ESR1: variants seen among roughly 807,000 people sequenced by gnomAD.
ESR1 encodes estrogen receptor.
Under a neutral mutation model 52.7 loss-of-function variants are expected in ESR1, and 12 were observed. The ratio of observed to expected loss-of-function variants is 0.23; its 90% CI spans 0.15 to 0.37. The LOEUF (loss-of-function observed/expected upper bound fraction) is 0.37. ESR1 is among the 10% of genes least tolerant of loss of function. The pLI is 1.00. For synonymous variants in ESR1, 305 were observed against 316.8 expected (o/e 0.96, Z 0.39); for missense variants, 584 against 779.7 (o/e 0.75, Z 2.99).
At chr6:151,707,535 A>C (rs1780273053) in intron 2 of ESR1, among the ~76,000 whole-genome samples, 1 of 152,066 alleles carries the variant, frequency 6.6e-6, no homozygotes, top group Non-Finnish European at 1.5e-5. Flanking sequence ...TATATTTTGC[A>C]AATTGAAATG....
At chr6:151,896,078 C>T (rs571984175) in intron 3 of ESR1, among the ~76,000 whole-genome samples, 17 of 152,280 alleles carry the variant, frequency 1.1e-4, no homozygotes, top group South Asian at 8.3e-4. Flanking sequence ...GGATTACAGG[C>T]GTGAGCCACA....
intron 2 of ESR1, 111 bp from the exon 3 acceptor site, chr6:151,880,544 T>C (rs1792728518): frequency 3.8e-6 from 3 of 781,472 alleles, no homozygotes; most frequent in East Asian, 2.4e-5. Flanking sequence ...GGGAGCAACA[T>C]AGTAAGGCTG....
chr6:151,752,692 C>T (rs941490531), intron 2 of ESR1, among the ~76,000 whole-genome samples: 1 of 152,106 alleles, frequency 6.6e-6, no homozygotes, highest in Non-Finnish European at 1.5e-5. Context: ...ACAGATAGTA[C>T]TTATTTTAAC....
intron 5 of ESR1, among the ~76,000 whole-genome samples, chr6:152,027,774 TC>T (rs1466369573): frequency 1.3e-5 from 2 of 152,242 alleles, no homozygotes; most frequent in African/African-American, 2.4e-5. Flanking sequence ...AGGTCCGTTT[TC>T]CTAGGTACAT....
intron 1 of ESR1, 47 bp from the exon 2 acceptor site, chr6:151,842,550 G>A: frequency 7.8e-6 from 12 of 1,543,314 alleles, no homozygotes; most frequent in Non-Finnish European, 1.1e-5. Context: ...GAGAGTGCAT[G>A]TTTTGCTTTT....
At chr6:152,097,878 C>T (rs529949502) in intron 7 of ESR1, among the ~76,000 whole-genome samples, 9 of 151,968 alleles carry the variant, frequency 5.9e-5, no homozygotes, top group Admixed American at 2.6e-4. Context: ...TGTTTGGAGG[C>T]GGGAGAATAA....
chr6:152,119,881 C>G (rs2051262500), intron 6 of ESR1, among the ~76,000 whole-genome samples: 1 of 152,182 alleles, frequency 6.6e-6, no homozygotes, highest in Admixed American at 6.5e-5. Flanking sequence ...TGGGGAAGAG[C>G]CACGACCTCA....
chr6:152,098,621 A>T lies in ESR1; in HGVS notation c.1554-111A>T, dbSNP rs2152505617. The stretch of plus-strand genomic sequence containing the variant: ...TGGGTCTTTAAACAGGAAGAAAGAA[A>T]GATTGCTAAGTGTCTTTGGAGTTCC... On this transcript the variant is annotated intron_variant, in intron 7 of 7. Transcript: ENST00000206249. This position sits in a 1 kb window ranked among gnomAD's most constrained non-coding sequence, Gnocchi z 5.1. The T allele has an allele frequency of 1.1e-6, 1 of 888,156 alleles. No homozygotes were observed. The highest frequency in any genetic ancestry group is 1.8e-6 in the Non-Finnish European group (1 of 549,384). The allele number at this position is 888,156 out of a possible 1,614,324, so 55.0% of individuals were successfully genotyped here. A position where few individuals can be genotyped will look rare whatever the true frequency, so the allele number is the denominator to read the frequency against.
In ESR1 at chr6:152,028,693, G is replaced by A. The variant is rs534156846; in HGVS notation, c.1235+16899G>A. ...CACCGCAGCTCAAGGAGGCCTGCCT[G>A]TCTCTGTAGACTCCACCTCTGGGGG... On this transcript the variant is annotated intron_variant, in intron 5 of 7. Coordinates refer to ENST00000206249, the MANE Select transcript of ESR1 (RefSeq NM_000125.4). Among the ~76,000 whole-genome samples, 10 of 152,362 alleles carry A rather than the reference G, an allele frequency of 6.6e-5. No individual in the cohort carries two copies. The South Asian group carries it at 1.0e-3, about 16-fold the overall frequency.
intron 4 of ESR1, among the ~76,000 whole-genome samples, chr6:151,963,650 T>C (rs2037922958): frequency 6.6e-6 from 1 of 152,218 alleles, no homozygotes; most frequent in Non-Finnish European, 1.5e-5. Flanking sequence ...CTTTGTCAAT[T>C]GTTTACTTTG....
intron 4 of ESR1, among the ~76,000 whole-genome samples, chr6:151,963,865 G>A (rs551817652): frequency 5.5e-4 from 83 of 152,230 alleles, no homozygotes; most frequent in Non-Finnish European, 1.1e-3. Flanking sequence ...GGGCATAAGT[G>A]TCACTTCCAT....
chr6:151,967,300 A>G (rs11966715), intron 4 of ESR1, among the ~76,000 whole-genome samples: 1 of 152,086 alleles, frequency 6.6e-6, no homozygotes, highest in Non-Finnish European at 1.5e-5. Flanking sequence ...CATCATTTAC[A>G]TTAGGTATTT....
At chr6:152,067,716 A>G (rs1385149602) in intron 6 of ESR1, among the ~76,000 whole-genome samples, 2 of 152,158 alleles carry the variant, frequency 1.3e-5, no homozygotes, top group East Asian at 3.9e-4. Context: ...AATCCCAGCT[A>G]CTCAGGAGGC....
intron 1 of ESR1, among the ~76,000 whole-genome samples, chr6:151,681,405 C>T (rs561863172): frequency 1.3e-5 from 2 of 149,670 alleles, no homozygotes; most frequent in African/African-American, 2.5e-5. Context: ...CAGGAGGGGA[C>T]GGCGGTGCTG....
At chr6:151,877,713 C>T (rs1792090766) in intron 2 of ESR1, among the ~76,000 whole-genome samples, 1 of 152,204 alleles carries the variant, frequency 6.6e-6, no homozygotes, top group Non-Finnish European at 1.5e-5. Flanking sequence ...TACAAAGTAA[C>T]TGGCTCTGGG....
At chr6:151,662,271 T>C (rs1048635156) in intron 1 of ESR1, among the ~76,000 whole-genome samples, 3 of 152,220 alleles carry the variant, frequency 2.0e-5, no homozygotes, top group Non-Finnish European at 1.5e-5. Context: ...AAGTCGAAGT[T>C]TCATCATTTC....
intron 4 of ESR1, among the ~76,000 whole-genome samples, chr6:151,988,512 C>T (rs1584675780): frequency 6.6e-6 from 1 of 152,060 alleles, no homozygotes; most frequent in East Asian, 1.9e-4. Context: ...GGGACCCCTG[C>T]TTTAAAGAAT....
intron 4 of ESR1, among the ~76,000 whole-genome samples, chr6:151,995,490 T>C (rs1171921045): frequency 1.3e-5 from 2 of 152,134 alleles, no homozygotes; most frequent in Non-Finnish European, 2.9e-5. Context: ...TTAGCAAAAA[T>C]ATATGGGAAG....
intron 6 of ESR1, among the ~76,000 whole-genome samples, chr6:152,071,520 T>C (rs1217344002): frequency 6.6e-6 from 1 of 152,198 alleles, no homozygotes; most frequent in Non-Finnish European, 1.5e-5. Flanking sequence ...ATGGAGATTA[T>C]AATAGCGTCT....
Sources: gnomAD v4.1 joint callset for allele counts (sites outside exome capture counted in the v4.1 genomes callset) on GRCh38, gnomAD v4.1.1 for gene constraint, Gnocchi (gnomAD v3.1) non-coding constraint, MANE v1.5 for transcripts, NCBI Gene and HGNC (gene_info 2026-07-23, HGNC 2026-07-21) for gene names.